Variants in OR2T6 observed in about 807,000 individuals in gnomAD.
OR2T6 encodes olfactory receptor family 2 subfamily T member 6, also known as olfactory receptor 2T6.
For missense variants in OR2T6, 424 were observed against 391.6 expected (o/e 1.08, Z -0.70); for synonymous variants, 174 against 148.0 (o/e 1.18, Z -1.27).
In OR2T6 at chr1:248,388,445, C is replaced by G; in HGVS notation, c.837C>G (p.Thr279=). Residue 279 remains threonine, a synonymous_variant, in exon 3 of 3, where the codon ACC becomes ACG. Transcript: ENST00000641644. ...IKDKVFSAFY[T]ILTPLLNPLI... The stretch of plus-strand genomic sequence containing the variant: ...ATAAGGTCTTCTCTGCCTTTTATAC[C>G]ATCCTCACACCCTTATTAAACCCTC... 6.2e-7 allele frequency: 1 copy of G among 1,613,236 alleles called. No homozygotes were observed. Among genetic ancestry groups the G allele is most frequent in the East Asian group, 2.2e-5 (1 of 44,858 alleles).
chr1:248,383,148 C>T (rs1356769021), intron 1 of OR2T6, among the ~76,000 whole-genome samples: 1 of 84,366 alleles, frequency 1.2e-5, no homozygotes, highest in Non-Finnish European at 2.1e-5. Flanking sequence ...CCTGAGTGTG[C>T]TCATCCTATC....
intron 1 of OR2T6, among the ~76,000 whole-genome samples, chr1:248,381,979 T>C (rs1661041222): frequency 6.6e-6 from 1 of 152,168 alleles, no homozygotes; most frequent in South Asian, 2.1e-4. Flanking sequence ...GATACTAGTC[T>C]AAGAAACTGA....
intron 2 of OR2T6, among the ~76,000 whole-genome samples, chr1:248,385,693 CT>C (rs1661126165): frequency 6.6e-6 from 1 of 152,170 alleles, no homozygotes; most frequent in Non-Finnish European, 1.5e-5. Flanking sequence ...AGTGTGTCCC[CT>C]AGTGCTCAAC....
At chr1:248,384,905 A>G (rs994516152) in intron 2 of OR2T6, 41 bp downstream of exon 2, 15 of 152,214 alleles carry the variant, frequency 9.9e-5, no homozygotes, top group African/African-American at 3.4e-4. Flanking sequence ...TTTTGTTGAA[A>G]GAGAAGGAAA....
Position 248,387,757 on chromosome 1 carries a change from A to G in OR2T6, c.149A>G (p.Asn50Ser). 1 of 1,613,850 alleles carries G rather than the reference A, an allele frequency of 6.2e-7. No homozygotes were observed. ...AATGGGGTCATGATCTTCCTGATTA[A>G]CATAGACCCTCATCTCCACACCCCC... ...IANGVMIFLI[N>S]IDPHLHTPMY... The change falls in exon 3 of 3, where the codon AAC becomes AGC. Residue 50 changes from asparagine to serine, a missense_variant. Asn to Ser is a conservative substitution (Grantham distance 46). Coordinates refer to ENST00000641644, the MANE Select transcript of OR2T6 (RefSeq NM_001005471.2).
chr1:248,387,073 A>G (rs1661146546), intron 2 of OR2T6, among the ~76,000 whole-genome samples: 1 of 152,240 alleles, frequency 6.6e-6, no homozygotes, highest in African/African-American at 2.4e-5. Context: ...AGAATGACCA[A>G]TGATCAGGCA....
chr1:248,380,900 C>T (rs1244743325), intron 1 of OR2T6, among the ~76,000 whole-genome samples: 2 of 151,586 alleles, frequency 1.3e-5, no homozygotes, highest in African/African-American at 4.8e-5. Flanking sequence ...TTTATAATAT[C>T]ACCTCATATT....
intron 1 of OR2T6, among the ~76,000 whole-genome samples, chr1:248,378,517 T>C (rs1660977564): frequency 1.3e-5 from 2 of 152,034 alleles, no homozygotes; most frequent in Non-Finnish European, 2.9e-5. Flanking sequence ...ATTCTCATCT[T>C]ACTTGTGTGA....
At chr1:248,381,512 G>C (rs111626016) in intron 1 of OR2T6, among the ~76,000 whole-genome samples, 3 of 151,950 alleles carry the variant, frequency 2.0e-5, no homozygotes, top group African/African-American at 7.2e-5. Context: ...GCTGCTTTCT[G>C]GTACTTCTTA....
intron 1 of OR2T6, among the ~76,000 whole-genome samples, chr1:248,382,167 A>T (rs138039722): frequency 2.0e-5 from 3 of 152,226 alleles, no homozygotes; most frequent in Non-Finnish European, 2.9e-5. Flanking sequence ...GCAACATTGT[A>T]TATCTTCAGT....
rs1287451704 is a variant in OR2T6, at chr1:248,390,759, G to A, written c.*2224G>A. On this transcript the variant is annotated 3_prime_UTR_variant, in exon 3 of 3. Transcript: ENST00000641644. ...AAAACACAACAAATCAGAAGAGAAGGAGAGGGCTGGCCCATAAGAACTGAT... is the reference window on the plus strand; with the variant it reads ...AAAACACAACAAATCAGAAGAGAAGAAGAGGGCTGGCCCATAAGAACTGAT... The A allele has an allele frequency of 1.3e-5, 2 of 152,194 alleles. No homozygotes were observed. The highest frequency in any genetic ancestry group is 2.1e-4 in the South Asian group (1 of 4,828). The allele number at this position is 152,194 out of a possible 1,614,324, so 9.4% of individuals were successfully genotyped here.
chr1:248,391,801 G>A lies in OR2T6; in HGVS notation c.*3266G>A, dbSNP rs1661252370. On this transcript the variant is annotated 3_prime_UTR_variant, in exon 3 of 3. Coordinates refer to ENST00000641644, the MANE Select transcript of OR2T6 (RefSeq NM_001005471.2). ...AAATATAAAATTTCATTTTAAAACA[G>A]TTTTCTAACAATTATATAACTCTCT... 1 of 152,082 alleles carries A rather than the reference G, an allele frequency of 6.6e-6. No individual in the cohort carries two copies. Among genetic ancestry groups the A allele is most frequent in the Admixed American group, 6.6e-5 (1 of 15,258 alleles). 9.4% of individuals were successfully genotyped at this position (152,082 alleles called of 1,614,324 possible).
At chr1:248,385,778 C>A (rs912385691) in intron 2 of OR2T6, among the ~76,000 whole-genome samples, 4 of 152,138 alleles carry the variant, frequency 2.6e-5, no homozygotes, top group African/African-American at 7.2e-5. Flanking sequence ...CTAAGAAATG[C>A]AATATTGCCT....
chr1:248,389,635 C>G lies in OR2T6; in HGVS notation c.*1100C>G, dbSNP rs1014218202. ...AGCCACCATGAGCTACATAGAGTTC[C>G]CAAGGGGGCAACTCTCCTTAGTACT... On this transcript the variant is annotated 3_prime_UTR_variant, in exon 3 of 3. Coordinates refer to ENST00000641644, the MANE Select transcript of OR2T6 (RefSeq NM_001005471.2). The G allele has an allele frequency of 2.0e-5, 3 of 152,102 alleles. No homozygotes were observed. The highest frequency in any genetic ancestry group is 1.3e-4 in the Admixed American group (2 of 15,258). 9.4% of individuals were successfully genotyped at this position (152,102 alleles called of 1,614,324 possible).
intron 1 of OR2T6, among the ~76,000 whole-genome samples, chr1:248,378,731 A>G (rs1482724581): frequency 6.6e-6 from 1 of 152,222 alleles, no homozygotes; most frequent in Non-Finnish European, 1.5e-5. Flanking sequence ...GTCCTTTCAG[A>G]TCAAATTTAT....
At chr1:248,381,864 T>A (rs201339890) in intron 1 of OR2T6, among the ~76,000 whole-genome samples, 1 of 146,214 alleles carries the variant, frequency 6.8e-6, no homozygotes, top group Non-Finnish European at 1.5e-5. Flanking sequence ...TTATCCCCCC[T>A]AATTTATCTC....
At chr1:248,381,128 C>A (rs938633367) in intron 1 of OR2T6, among the ~76,000 whole-genome samples, 6 of 151,494 alleles carry the variant, frequency 4.0e-5, no homozygotes, top group African/African-American at 4.8e-5. Context: ...TTTTTTCTTT[C>A]ATTATTTTAA....
At chr1:248,381,227 C>A in intron 1 of OR2T6, among the ~76,000 whole-genome samples, 1 of 151,372 alleles carries the variant, frequency 6.6e-6, no homozygotes, top group East Asian at 1.9e-4. Context: ...TTTGGTTAAT[C>A]TTTTTCAAAA....
At chr1:248,384,508 C>T (rs112073402) in intron 1 of OR2T6, among the ~76,000 whole-genome samples, 2 of 74,296 alleles carry the variant, frequency 2.7e-5, no homozygotes, top group African/African-American at 1.8e-4. Context: ...CCTGAGTGTG[C>T]TCATCCTATC....
Sources: allele counts gnomAD v4.1 joint callset (sites outside exome capture counted in the v4.1 genomes callset), GRCh38; gene constraint gnomAD v4.1.1; transcripts MANE v1.5; gene names NCBI Gene and HGNC (gene_info 2026-07-23, HGNC 2026-07-21).